Variants in SORCS2 observed in about 807,000 individuals in gnomAD.
SORCS2 encodes the protein VPS10 domain-containing receptor SorCS2.
SORCS2 carries 100 observed loss-of-function variants against 141.6 expected under a neutral mutation model. The ratio of observed to expected loss-of-function variants is 0.71; its 90% CI spans 0.60 to 0.83. The LOEUF is 0.83. SORCS2 is among the 40% of genes least tolerant of loss of function. SORCS2 has a pLI of 0.00. For synonymous variants in SORCS2, 789 were observed against 676.9 expected, an observed-to-expected ratio of 1.17 and a Z score of -2.57; for missense variants, 1,646 against 1,560.2, an observed-to-expected ratio of 1.05 and a Z score of -0.93.
At chr4:7,597,766 A>T (rs1378141956) in intron 3 of SORCS2, among the ~76,000 whole-genome samples, 1 of 152,008 alleles carries the variant, frequency 6.6e-6, no homozygotes, top group Admixed American at 6.6e-5. Context: ...AACATTCGAC[A>T]TTGAGATCTA....
chr4:7,638,607 G>C, intron 4 of SORCS2, 115 bp downstream of exon 4: 1 of 1,140,238 alleles, frequency 8.8e-7, no homozygotes, highest in Non-Finnish European at 1.2e-6. Context: ...GCTGGCTGAG[G>C]AGGAGCCTCC....
chr4:7,644,859 C>T (rs1442066463), intron 4 of SORCS2, among the ~76,000 whole-genome samples: 1 of 152,252 alleles, frequency 6.6e-6, no homozygotes, highest in African/African-American at 2.4e-5. Context: ...AGGATGCACC[C>T]ATGCAGGTTT....
At chr4:7,478,310 C>A (rs754238354) in intron 2 of SORCS2, among the ~76,000 whole-genome samples, 12 of 152,260 alleles carry the variant, frequency 7.9e-5, no homozygotes, top group Non-Finnish European at 1.3e-4. Context: ...GGAGACCCCT[C>A]CCCATGGTCT....
intron 1 of SORCS2, among the ~76,000 whole-genome samples, chr4:7,238,381 T>G (rs1390631768): frequency 6.6e-6 from 1 of 152,138 alleles, no homozygotes; most frequent in African/African-American, 2.4e-5. Context: ...GAGGCTGTTG[T>G]TAAATTTTTT....
intron 19 of SORCS2, among the ~76,000 whole-genome samples, chr4:7,724,570 GTGA>G (rs1214208295): frequency 5.2e-5 from 4 of 76,730 alleles, no homozygotes; most frequent in East Asian, 1.4e-3. Flanking sequence ...GATGGTGGTG[GTGA>G]TGGTGATGGT....
intron 1 of SORCS2, among the ~76,000 whole-genome samples, chr4:7,218,934 T>C (rs952768115): frequency 3.3e-5 from 5 of 152,208 alleles, no homozygotes; most frequent in Non-Finnish European, 7.3e-5. Context: ...CACTCTGCCC[T>C]GAAACACAGT....
At chr4:7,236,461 G>A (rs761435747) in intron 1 of SORCS2, among the ~76,000 whole-genome samples, 5 of 152,150 alleles carry the variant, frequency 3.3e-5, no homozygotes, top group African/African-American at 9.7e-5. Context: ...AAGACAGGAG[G>A]TGCTGGGGCA....
At chr4:7,333,129 A>G (rs1192570969) in intron 1 of SORCS2, among the ~76,000 whole-genome samples, 3 of 152,186 alleles carry the variant, frequency 2.0e-5, no homozygotes, top group African/African-American at 7.2e-5. Flanking sequence ...CCGTGCAGGC[A>G]GGAAGGCAGC....
intron 1 of SORCS2, chr4:7,310,527 T>C (rs954358635): frequency 2.6e-5 from 4 of 154,322 alleles, no homozygotes; most frequent in African/African-American, 9.6e-5. Context: ...TCATACTTGA[T>C]TACAACTAAA....
chr4:7,287,926 A>G (rs1716336433), intron 1 of SORCS2, among the ~76,000 whole-genome samples: 1 of 152,254 alleles, frequency 6.6e-6, no homozygotes, highest in Non-Finnish European at 1.5e-5. Flanking sequence ...CTCCACATGC[A>G]GGCCGATTGG....
intron 1 of SORCS2, among the ~76,000 whole-genome samples, chr4:7,239,325 A>T (rs1712520890): frequency 6.6e-6 from 1 of 152,196 alleles, no homozygotes; most frequent in Non-Finnish European, 1.5e-5. Context: ...TGTGGCCGGG[A>T]GGGCCCCCGA....
chr4:7,323,620 A>G (rs534908151), intron 1 of SORCS2, among the ~76,000 whole-genome samples: 39 of 152,214 alleles, frequency 2.6e-4, no homozygotes, highest in Non-Finnish European at 5.0e-4. Context: ...GTTCCCACTC[A>G]GGAATCCCTT....
intron 3 of SORCS2, among the ~76,000 whole-genome samples, chr4:7,562,834 T>C (rs965118242): frequency 2.6e-5 from 4 of 152,204 alleles, no homozygotes; most frequent in Non-Finnish European, 4.4e-5. Context: ...CCTTTTTGTA[T>C]GGACTTCTCT....
At chr4:7,457,550 C>T (rs925292051) in intron 2 of SORCS2, among the ~76,000 whole-genome samples, 7 of 151,022 alleles carry the variant, frequency 4.6e-5, no homozygotes, top group Admixed American at 1.3e-4. Flanking sequence ...CAGTGAACAT[C>T]ACAAAGCTGA....
rs115099750 is a variant in SORCS2 at position 7,680,941 on chromosome 4, C to T, written c.1342-1802C>T. ...CACTTTGAAACAGATAATTTGTTTGCTAGTTTCCCAGCTCCACAGATGGAT... is the reference window on the plus strand; with the variant it reads ...CACTTTGAAACAGATAATTTGTTTGTTAGTTTCCCAGCTCCACAGATGGAT... On this transcript the variant is annotated intron_variant, in intron 9 of 26. Coordinates refer to ENST00000507866, the MANE Select transcript of SORCS2 (RefSeq NM_020777.3). Among the ~76,000 whole-genome samples the T allele has an allele frequency of 8.4e-3, 1,273 of 152,326 alleles. 15 individuals are homozygous for T. Among genetic ancestry groups the T allele is most frequent in the Middle Eastern group, 0.027 (8 of 294 alleles).
At chr4:7,656,752 C>G (rs1721803230) in intron 5 of SORCS2, among the ~76,000 whole-genome samples, 1 of 152,242 alleles carries the variant, frequency 6.6e-6, no homozygotes, top group Non-Finnish European at 1.5e-5. Flanking sequence ...AGGCCTGGCC[C>G]TGGTGCAGGG....
chr4:7,650,512 T>G (rs1440375938), intron 4 of SORCS2, among the ~76,000 whole-genome samples: 1 of 152,226 alleles, frequency 6.6e-6, no homozygotes, highest in Non-Finnish European at 1.5e-5. Flanking sequence ...GGTCTCCTGC[T>G]GTGCACGGTG....
intron 13 of SORCS2, among the ~76,000 whole-genome samples, chr4:7,703,856 G>T (rs929650988): frequency 7.2e-5 from 11 of 152,228 alleles, no homozygotes; most frequent in African/African-American, 2.7e-4. Context: ...ACTGCCAGAT[G>T]GTGGCACTAC....
rs77597412 is a variant in SORCS2 at position 7,631,839 on chromosome 4, C to T, written c.649-6489C>T. ...TCGTGAAAGCCCTGGACAGAGCTGC[C>T]GCTGCAGACTTCTGGAAGCCATTTC... On this transcript the variant is annotated intron_variant, in intron 3 of 26. Transcript: ENST00000507866. 2.9e-4 allele frequency among the ~76,000 whole-genome samples: 44 copies of T among 152,140 alleles called. No homozygotes were observed. In the East Asian group the frequency reaches 7.8e-3, roughly 27 times the overall value.
Sources: allele counts gnomAD v4.1 joint callset (sites outside exome capture counted in the v4.1 genomes callset), GRCh38; gene constraint gnomAD v4.1.1; transcripts MANE v1.5; gene names NCBI Gene and HGNC (gene_info 2026-07-23, HGNC 2026-07-21).